The following CNDP1 variants were observed in gnomAD, a reference collection of about 807,000 sequenced individuals.
CNDP1 encodes carnosine dipeptidase 1.
CNDP1 carries 44 observed loss-of-function variants against 58.1 expected under a neutral mutation model. The observed-to-expected ratio is 0.76, with a 90% CI of 0.60 to 0.97. The LOEUF is 0.97. Ranked by LOEUF, CNDP1 falls within the 50% of genes least tolerant of loss-of-function variation. The probability of loss-of-function intolerance (pLI) is 0.00; values close to 1 mark genes in which losing one functional copy is unlikely to be tolerated. For synonymous variants in CNDP1, 254 were observed against 252.6 expected (o/e 1.01, Z -0.05); for missense variants, 616 against 655.1 (o/e 0.94, Z 0.65).
intron 5 of CNDP1, 148 bp from the exon 6 acceptor site, chr18:74,567,085 C>T: frequency 1.5e-6 from 1 of 649,740 alleles, no homozygotes; most frequent in Non-Finnish European, 2.8e-6. Flanking sequence ...ACAGGAAAGA[C>T]TGGCCCCCAT....
chr18:74,584,716 A>C lies in CNDP1; in HGVS notation c.*154A>C. 8.0e-6 allele frequency: 5 copies of C among 624,366 alleles called. No homozygotes were observed. Among genetic ancestry groups the C allele is most frequent in the Non-Finnish European group, 1.4e-5 (5 of 349,416 alleles). 38.7% of individuals were successfully genotyped at this position (624,366 alleles called of 1,614,324 possible). A position where few individuals can be genotyped will look rare whatever the true frequency, so the allele number is the denominator to read the frequency against. On this transcript the variant is annotated 3_prime_UTR_variant, in exon 12 of 12. Transcript: ENST00000358821. ...ATGTCTTGGGATATCTGGATCAGTA[A>C]TAAAATATTTCAAAGGCACAGATGT...
intron 1 of CNDP1, among the ~76,000 whole-genome samples, chr18:74,537,121 A>G (rs530280674): frequency 6.6e-6 from 1 of 152,320 alleles, no homozygotes; most frequent in Non-Finnish European, 1.5e-5. Flanking sequence ...TTTACTGTGC[A>G]GAAGCTCTTA....
intron 7 of CNDP1, chr18:74,574,744 GA>G (rs1233307955): frequency 6.6e-6 from 1 of 152,150 alleles, no homozygotes; most frequent in African/African-American, 2.4e-5. Context: ...TGGAAAATGG[GA>G]TCTGTGAAGC....
At chr18:74,581,492 G>A (rs1039684942) in intron 10 of CNDP1, among the ~76,000 whole-genome samples, 12 of 152,132 alleles carry the variant, frequency 7.9e-5, no homozygotes, top group African/African-American at 2.9e-4. Context: ...TCCTGGAGAT[G>A]AGCTCACTGT....
intron 2 of CNDP1, among the ~76,000 whole-genome samples, chr18:74,558,583 A>T (rs1322462114): frequency 6.6e-6 from 1 of 151,656 alleles, no homozygotes; most frequent in East Asian, 1.9e-4. Context: ...TTTAGTAGAG[A>T]TGGGGTTTCA....
At chr18:74,550,321 A>T (rs1599088763) in intron 1 of CNDP1, among the ~76,000 whole-genome samples, 1 of 152,196 alleles carries the variant, frequency 6.6e-6, no homozygotes. Context: ...GAGCTTTAAG[A>T]TTTAATGACA....
At position 74,578,277 on chromosome 18, in the gene CNDP1, T is replaced by C. The variant is rs546892324; in HGVS notation, c.1117T>C (p.Phe373Leu). ...CATACCTGGCCGAGTTATAGGAAAATTTTCAATCCGTCTAGTCCCTCACAT... is the reference window on the plus strand; with the variant it reads ...CATACCTGGCCGAGTTATAGGAAAACTTTCAATCCGTCTAGTCCCTCACAT... ...TVIPGRVIGK[F>L]SIRLVPHMNV... Residue 373 changes from phenylalanine (F) to leucine (L), a missense_variant, in exon 9 of 12, where the codon TTT (phenylalanine) becomes CTT (leucine). Physicochemically the swap from Phe to Leu is conservative, Grantham distance 22 (BLOSUM62 0). Coordinates refer to ENST00000358821, the MANE Select transcript of CNDP1 (RefSeq NM_032649.6). 6.2e-7 allele frequency: 1 copy of C among 1,613,838 alleles called. No individual in the cohort carries two copies. Among genetic ancestry groups the C allele is most frequent in the East Asian group, 2.2e-5 (1 of 44,866 alleles).
chr18:74,569,608 C>T (rs530346223), intron 6 of CNDP1, among the ~76,000 whole-genome samples: 46 of 152,208 alleles, frequency 3.0e-4, no homozygotes, highest in African/African-American at 9.4e-4. Flanking sequence ...GCGTGAGCAC[C>T]GCATGGTCAG....
intron 11 of CNDP1, chr18:74,584,179 C>T: frequency 2.6e-6 from 1 of 380,178 alleles, no homozygotes; most frequent in Non-Finnish European, 4.8e-6. Context: ...GCAGATACTA[C>T]AAGATCTCCT....
At chr18:74,582,803 T>C (rs1011435815) in intron 10 of CNDP1, among the ~76,000 whole-genome samples, 2 of 152,284 alleles carry the variant, frequency 1.3e-5, no homozygotes, top group Admixed American at 1.3e-4. Context: ...ACCGGTGAAA[T>C]TGAAAGTCTG....
intron 7 of CNDP1, among the ~76,000 whole-genome samples, chr18:74,574,557 G>C (rs2144572867): frequency 6.6e-6 from 1 of 152,348 alleles, no homozygotes; most frequent in South Asian, 2.1e-4. Flanking sequence ...CCTGTGGGCA[G>C]TTTTCAAAGG....
intron 1 of CNDP1, among the ~76,000 whole-genome samples, chr18:74,541,892 A>G (rs950248694): frequency 6.6e-6 from 1 of 152,182 alleles, no homozygotes; most frequent in Non-Finnish European, 1.5e-5. Context: ...GCCACAGGAC[A>G]TAAAGTTGGG....
At chr18:74,574,590 T>G (rs1047128601) in intron 7 of CNDP1, among the ~76,000 whole-genome samples, 2 of 152,192 alleles carry the variant, frequency 1.3e-5, no homozygotes, top group Non-Finnish European at 2.9e-5. Context: ...TCCCCGCACT[T>G]CCCAAGAAGG....
chr18:74,570,732 A>C (rs1421240630), intron 6 of CNDP1, among the ~76,000 whole-genome samples: 1 of 152,196 alleles, frequency 6.6e-6, no homozygotes, highest in Admixed American at 6.5e-5. Context: ...AGGTGGAGGA[A>C]GAAGAGATGT....
chr18:74,551,767 C>T (rs185894137), intron 1 of CNDP1, among the ~76,000 whole-genome samples: 122 of 152,264 alleles, frequency 8.0e-4, no homozygotes, highest in Middle Eastern at 3.4e-3. Flanking sequence ...ATATTTTTTT[C>T]CTGCAGCTTA....
At position 74,586,038 on chromosome 18, in the gene CNDP1, C is replaced by T. The variant is rs1012458206; in HGVS notation, c.*1476C>T. ...AAAAAAAGCAGAACACATTTGCGTT[C>T]AACTTTTTTCCATCACTCTGTTGGT... On this transcript the variant is annotated 3_prime_UTR_variant, in exon 12 of 12. Transcript: ENST00000358821. 12 of 141,924 alleles carry T rather than the reference C, an allele frequency of 8.5e-5. No homozygotes were observed. The highest frequency in any genetic ancestry group is 2.8e-4 in the African/African-American group (11 of 38,872). 8.8% of individuals were successfully genotyped at this position (141,924 alleles called of 1,614,324 possible).
chr18:74,584,495 G>T lies in CNDP1; in HGVS notation c.1458-1G>T. 2 of 1,609,902 alleles carry T rather than the reference G, an allele frequency of 1.2e-6. No individual in the cohort carries two copies. Among genetic ancestry groups the T allele is most frequent in the Non-Finnish European group, 1.7e-6 (2 of 1,176,316 alleles). On this transcript the variant is annotated splice_acceptor_variant, in intron 11 of 11. Coordinates refer to ENST00000358821, the MANE Select transcript of CNDP1 (RefSeq NM_032649.6). LOFTEE classifies it high-confidence loss of function. ...TTTCTCTTTGTTTTTCCTCTTCTTA[G>T]GTGGAACTACATAGAGGGAACCAAA...
At chr18:74,575,294 G>A (rs1385815578) in intron 7 of CNDP1, among the ~76,000 whole-genome samples, 6 of 152,190 alleles carry the variant, frequency 3.9e-5, no homozygotes, top group African/African-American at 9.6e-5. Context: ...GGCCTGGATC[G>A]TTTTACTAGT....
Position 74,560,893 on chromosome 18 carries a change from T to A in CNDP1, c.341T>A (p.Ile114Asn). 6.2e-7 allele frequency: 1 copy of A among 1,614,140 alleles called. No homozygotes were observed. The highest frequency in any genetic ancestry group is 8.5e-7 in the Non-Finnish European group (1 of 1,180,004). The change falls in exon 4 of 12, where the codon ATC becomes AAC. Residue 114 changes from isoleucine (I) to asparagine (N), a missense_variant. Physicochemically the swap from Ile to Asn is moderately radical, Grantham distance 149. Coordinates refer to ENST00000358821, the MANE Select transcript of CNDP1 (RefSeq NM_032649.6). ...DGQSLPIPPV[I>N]LAELGSDPTK... Reference sequence around the variant, plus strand: ...CAGAGTCTTCCAATACCTCCCGTCATCCTGGCCGAACTGGGGAGCGATCCC... The same window carrying A: ...CAGAGTCTTCCAATACCTCCCGTCAACCTGGCCGAACTGGGGAGCGATCCC...
Sources: gnomAD v4.1 joint callset for allele counts (sites outside exome capture counted in the v4.1 genomes callset) on GRCh38, gnomAD v4.1.1 for gene constraint, MANE v1.5 for transcripts, NCBI Gene and HGNC (gene_info 2026-07-23, HGNC 2026-07-21) for gene names.